PIP4K2A: variants seen among roughly 807,000 people sequenced by gnomAD.
PIP4K2A encodes phosphatidylinositol-5-phosphate 4-kinase type 2 alpha, also known as phosphatidylinositol 5-phosphate 4-kinase type-2 alpha.
In PIP4K2A, 14 loss-of-function variants were observed where a neutral mutation model predicts 42.9. The ratio of observed to expected loss-of-function variants is 0.33; its 90% confidence interval spans 0.22 to 0.51. The LOEUF is 0.51. Ranked by LOEUF, PIP4K2A falls within the 20% of genes least tolerant of loss-of-function variation. The pLI is 0.97. For synonymous variants in PIP4K2A, 192 were observed against 192.2 expected (o/e 1.00, Z 0.01); for missense variants, 434 against 519.8 (o/e 0.83, Z 1.61).
rs1835953903 is a variant in PIP4K2A at position 22,537,093 on chromosome 10, T to C, written c.*108A>G. 4 of 791,570 alleles carry C rather than the reference T, an allele frequency of 5.1e-6. No homozygotes were observed. The highest frequency in any genetic ancestry group is 5.1e-5 in the Admixed American group (2 of 39,238). 49.0% of individuals were successfully genotyped at this position (791,570 alleles called of 1,614,324 possible). On this transcript the variant is annotated 3_prime_UTR_variant, in exon 10 of 10. Coordinates refer to ENST00000376573, the MANE Select transcript of PIP4K2A (RefSeq NM_005028.5). ...GGCCTGAAGATGTAAACAAGGAGGT[T>C]TGCTTCCTGCAAGATGAGTACTTCA...
chr10:22,635,712 T>C (rs902468461), intron 1 of PIP4K2A, among the ~76,000 whole-genome samples: 1 of 152,184 alleles, frequency 6.6e-6, no homozygotes, highest in East Asian at 1.9e-4. Context: ...GGGGGTTCTA[T>C]GACGAGGACC....
At chr10:22,546,550 C>G (rs534388165) in intron 7 of PIP4K2A, among the ~76,000 whole-genome samples, 17 of 152,178 alleles carry the variant, frequency 1.1e-4, no homozygotes, top group Non-Finnish European at 1.9e-4. Context: ...TAGCTAGGAC[C>G]ACAGGCATGC....
At chr10:22,568,148 C>T (rs934584253) in intron 5 of PIP4K2A, among the ~76,000 whole-genome samples, 1 of 152,238 alleles carries the variant, frequency 6.6e-6, no homozygotes, top group Non-Finnish European at 1.5e-5. Flanking sequence ...TTCTGTGGTT[C>T]TTGTCCACCT....
At chr10:22,543,160 AAGG>A (rs770379839) in intron 7 of PIP4K2A, among the ~76,000 whole-genome samples, 13 of 152,308 alleles carry the variant, frequency 8.5e-5, no homozygotes, top group Non-Finnish European at 1.2e-4. Flanking sequence ...GCCTGCTGGG[AAGG>A]AGTTCTGTCT....
At chr10:22,543,679 G>A (rs951628003) in intron 7 of PIP4K2A, among the ~76,000 whole-genome samples, 2 of 152,242 alleles carry the variant, frequency 1.3e-5, no homozygotes, top group Non-Finnish European at 2.9e-5. Flanking sequence ...GCAGCTGCCA[G>A]GCTGTGAGGT....
rs548987224 is a variant in PIP4K2A at position 22,617,721 on chromosome 10, G to A, written c.145-8004C>T. On this transcript the variant is annotated intron_variant, in intron 1 of 9. Transcript: ENST00000376573. ...GTATAAAGGCTGGCGGAAGTGGCAG[G>A]GGGCCTGGAGGGGGAGCTATTTCAT... 2.0e-5 allele frequency among the ~76,000 whole-genome samples: 3 copies of A among 152,246 alleles called. No individual in the cohort carries two copies. In the South Asian group the frequency reaches 6.2e-4, roughly 32 times the overall value.
chr10:22,679,933 G>C (rs1356254769), intron 1 of PIP4K2A, among the ~76,000 whole-genome samples: 1 of 152,040 alleles, frequency 6.6e-6, no homozygotes, highest in Non-Finnish European at 1.5e-5. Flanking sequence ...TCTAAGATTA[G>C]ATTGAGAATG....
chr10:22,618,605 G>T (rs767340256), intron 1 of PIP4K2A, among the ~76,000 whole-genome samples: 28 of 152,206 alleles, frequency 1.8e-4, no homozygotes, highest in Non-Finnish European at 3.5e-4. Context: ...CCTAAAAAAG[G>T]CCATCACATT....
chr10:22,633,463 G>GA (rs907331695), intron 1 of PIP4K2A, among the ~76,000 whole-genome samples: 2 of 151,934 alleles, frequency 1.3e-5, no homozygotes, highest in South Asian at 2.1e-4. Flanking sequence ...TACCTTCATG[G>GA]AAAAAAATCC....
At chr10:22,617,580 T>C (rs1403883089) in intron 1 of PIP4K2A, among the ~76,000 whole-genome samples, 4 of 152,202 alleles carry the variant, frequency 2.6e-5, no homozygotes, top group Admixed American at 6.5e-5. Flanking sequence ...AAAAAGCCTC[T>C]CACATGTAGA....
chr10:22,692,718 G>C (rs1185196791), intron 1 of PIP4K2A, among the ~76,000 whole-genome samples: 1 of 152,134 alleles, frequency 6.6e-6, no homozygotes, highest in Non-Finnish European at 1.5e-5. Context: ...AGATGGAACA[G>C]CCCTTCATAC....
intron 1 of PIP4K2A, among the ~76,000 whole-genome samples, chr10:22,629,638 A>G (rs955037220): frequency 6.6e-6 from 1 of 152,224 alleles, no homozygotes; most frequent in Admixed American, 6.5e-5. Flanking sequence ...AGGTAGAGCT[A>G]ACCCCATCAG....
intron 1 of PIP4K2A, among the ~76,000 whole-genome samples, chr10:22,637,345 G>A (rs1293241257): frequency 6.6e-6 from 1 of 152,112 alleles, no homozygotes; most frequent in Non-Finnish European, 1.5e-5. Context: ...AGGACCTAAA[G>A]ATGACAAAAA....
chr10:22,603,858 C>T (rs903447046), intron 3 of PIP4K2A, among the ~76,000 whole-genome samples: 1 of 152,124 alleles, frequency 6.6e-6, no homozygotes, highest in African/African-American at 2.4e-5. Context: ...TCATGCTGGC[C>T]AAACAATGAT....
At chr10:22,571,615 G>A (rs556401427) in intron 5 of PIP4K2A, among the ~76,000 whole-genome samples, 7 of 152,298 alleles carry the variant, frequency 4.6e-5, no homozygotes, top group South Asian at 4.1e-4. Context: ...AATGGATTTC[G>A]ATGAAGAGTA....
intron 6 of PIP4K2A, among the ~76,000 whole-genome samples, chr10:22,564,997 A>C (rs1196643851): frequency 6.6e-6 from 1 of 152,226 alleles, no homozygotes; most frequent in Non-Finnish European, 1.5e-5. Flanking sequence ...GTATCAGCCT[A>C]GTTCCACGAA....
At chr10:22,660,128 C>T (rs551735904) in intron 1 of PIP4K2A, among the ~76,000 whole-genome samples, 1 of 152,210 alleles carries the variant, frequency 6.6e-6, no homozygotes, top group Admixed American at 6.5e-5. Flanking sequence ...CCCTACATCC[C>T]CAGCACCCAC....
intron 1 of PIP4K2A, among the ~76,000 whole-genome samples, chr10:22,707,888 T>G (rs550180157): frequency 1.3e-5 from 2 of 152,370 alleles, no homozygotes; most frequent in Admixed American, 1.3e-4. Flanking sequence ...ACATATCCTC[T>G]GTATTTTCAT....
chr10:22,576,535 C>T (rs1019763802), intron 4 of PIP4K2A, among the ~76,000 whole-genome samples: 1 of 152,310 alleles, frequency 6.6e-6, no homozygotes, highest in Admixed American at 6.5e-5. Flanking sequence ...AGCCACCTTA[C>T]ACAGCTAAGA....
Sources: allele counts gnomAD v4.1 joint callset (sites outside exome capture counted in the v4.1 genomes callset), GRCh38; gene constraint gnomAD v4.1.1; transcripts MANE v1.5; gene names NCBI Gene and HGNC (gene_info 2026-07-23, HGNC 2026-07-21).